CACNA1E: variants seen among roughly 807,000 people sequenced by gnomAD.
CACNA1E encodes the protein voltage-dependent R-type calcium channel subunit alpha-1E.
Under a neutral mutation model 259.2 loss-of-function variants are expected in CACNA1E, and 40 were observed. That is an observed-to-expected ratio of 0.15 (90% CI 0.12 to 0.20). CACNA1E has a LOEUF of 0.20. CACNA1E is among the 10% of genes least tolerant of loss of function. CACNA1E has a pLI of 1.00. For missense variants in CACNA1E, 1,874 were observed against 3,040.1 expected (o/e 0.62, Z 9.02); for synonymous variants, 1,104 against 1,138.5 (o/e 0.97, Z 0.61).
chr1:181,792,865 T>C (rs1046817264), intron 44 of CACNA1E, among the ~76,000 whole-genome samples: 1 of 152,234 alleles, frequency 6.6e-6, no homozygotes, highest in African/African-American at 2.4e-5. Context: ...GACAGAACCT[T>C]AGAGATTTCC....
chr1:181,511,286 C>T lies in CACNA1E; in HGVS notation c.373-85C>T, dbSNP rs6656283. The T allele has an allele frequency of 7.9e-3, 11,959 of 1,510,836 alleles. 746 individuals are homozygous for T. The African/African-American group carries it at 0.14, about 18-fold the overall frequency. 93.6% of individuals were successfully genotyped at this position (1,510,836 alleles called of 1,614,324 possible). A position where few individuals can be genotyped will look rare whatever the true frequency, so the allele number is the denominator to read the frequency against. ...CATGGGCAGGCCCAGCACAGACATC[C>T]AGGAAGGGCCAGGCTGTGCTTTTGC... On this transcript the variant is annotated intron_variant, in intron 2 of 47. Transcript: ENST00000367573.
intron 7 of CACNA1E, among the ~76,000 whole-genome samples, chr1:181,699,687 A>G (rs1572637138): frequency 6.6e-6 from 1 of 152,196 alleles, no homozygotes; most frequent in Non-Finnish European, 1.5e-5. Context: ...AACTGAAGGC[A>G]AGAAGCATCC....
intron 3 of CACNA1E, among the ~76,000 whole-genome samples, chr1:181,551,975 A>T (rs1177905807): frequency 6.6e-6 from 1 of 152,166 alleles, no homozygotes; most frequent in Non-Finnish European, 1.5e-5. Context: ...TATGCCAAGA[A>T]GGAAAGCAGT....
intron 2 of CACNA1E, among the ~76,000 whole-genome samples, chr1:181,455,625 C>T (rs1661415981): frequency 6.6e-6 from 1 of 152,184 alleles, no homozygotes; most frequent in Admixed American, 6.5e-5. Flanking sequence ...CCCAGTTCAC[C>T]TTGTATTCCA....
intron 25 of CACNA1E, chr1:181,745,321 C>A (rs773281570): frequency 4.1e-6 from 2 of 482,956 alleles, no homozygotes; most frequent in Non-Finnish European, 8.1e-6. Flanking sequence ...TGGGTGTGAA[C>A]ACCCAAGTAT....
rs368636412 is a variant in CACNA1E, at chr1:181,776,200, G to A, written c.5239G>A (p.Val1747Ile). ...GPHHLDEFVR[V>I]WAEYDRAACG... ...TCACCACTTGGACGAGTTTGTCCGC[G>A]TCTGGGCAGAATATGACCGAGCAGC... Residue 1747 changes from valine to isoleucine, a missense_variant, in exon 38 of 48, where the codon GTC becomes ATC. Around this residue, in one of 14 missense-constraint regions of CACNA1E, gnomAD observed 147 missense variants for 337.1 expected, o/e 0.44. Coordinates refer to ENST00000367573, the MANE Select transcript of CACNA1E (RefSeq NM_001205293.3). The surrounding 1 kb of genome is among the most constrained non-coding windows in gnomAD (Gnocchi z 4.4). 1.0e-4 allele frequency: 162 copies of A among 1,614,028 alleles called. 1 individual carries two copies. In the East Asian group the frequency reaches 1.1e-3, roughly 11 times the overall value.
intron 42 of CACNA1E, 91 bp from the exon 43 acceptor site, chr1:181,785,622 T>C: frequency 1.1e-6 from 1 of 940,584 alleles, no homozygotes; most frequent in East Asian, 2.4e-5. Flanking sequence ...ATAAGTTATG[T>C]GCCTGTATTA....
intron 3 of CACNA1E, among the ~76,000 whole-genome samples, chr1:181,513,902 C>T (rs1666351845): frequency 6.6e-6 from 1 of 152,148 alleles, no homozygotes; most frequent in African/African-American, 2.4e-5. Context: ...TTCAGATGTC[C>T]CTGGCTTTGT....
At chr1:181,630,467 T>A (rs1003010500) in intron 6 of CACNA1E, among the ~76,000 whole-genome samples, 1 of 151,734 alleles carries the variant, frequency 6.6e-6, no homozygotes, top group African/African-American at 2.4e-5. Flanking sequence ...TGTCAATTAC[T>A]TCACACTGAC....
chr1:181,545,146 G>A (rs1453326859), intron 3 of CACNA1E, among the ~76,000 whole-genome samples: 1 of 152,108 alleles, frequency 6.6e-6, no homozygotes, highest in Non-Finnish European at 1.5e-5. Flanking sequence ...AAATAAGCAT[G>A]GGGCTGATCT....
intron 32 of CACNA1E, among the ~76,000 whole-genome samples, chr1:181,759,977 C>T (rs993740508): frequency 6.6e-6 from 1 of 152,088 alleles, no homozygotes; most frequent in African/African-American, 2.4e-5. Context: ...GCCTGGCTCC[C>T]TTTTGAGTGT....
intron 2 of CACNA1E, among the ~76,000 whole-genome samples, chr1:181,442,991 CA>C (rs1338778320): frequency 2.6e-5 from 4 of 152,088 alleles, no homozygotes; most frequent in Non-Finnish European, 1.5e-5. Context: ...AATTCTAAAC[CA>C]AGGAGAAGAA....
At chr1:181,439,602 C>T (rs993720237) in intron 2 of CACNA1E, among the ~76,000 whole-genome samples, 1 of 152,160 alleles carries the variant, frequency 6.6e-6, no homozygotes, top group African/African-American at 2.4e-5. Context: ...ACTTATTTGT[C>T]ACCTTTAATT....
intron 2 of CACNA1E, among the ~76,000 whole-genome samples, chr1:181,458,245 G>T (rs1001133135): frequency 6.6e-6 from 1 of 152,200 alleles, no homozygotes; most frequent in Non-Finnish European, 1.5e-5. Flanking sequence ...GGAGGCAGAA[G>T]AAGATATGGG....
chr1:181,665,625 A>G (rs1243114260), intron 7 of CACNA1E, among the ~76,000 whole-genome samples: 2 of 152,212 alleles, frequency 1.3e-5, no homozygotes, highest in African/African-American at 4.8e-5. Flanking sequence ...CTCACCACAA[A>G]GAAATGATAC....
chr1:181,794,133 A>G (rs950304781), intron 45 of CACNA1E, among the ~76,000 whole-genome samples: 4 of 152,150 alleles, frequency 2.6e-5, no homozygotes, highest in Non-Finnish European at 1.5e-5. Flanking sequence ...GCACATATGC[A>G]GTTACTTACA....
chr1:181,474,476 G>A (rs1009405907), intron 2 of CACNA1E, among the ~76,000 whole-genome samples: 4 of 152,190 alleles, frequency 2.6e-5, no homozygotes, highest in Admixed American at 6.5e-5. Context: ...AAGCCTGTCT[G>A]AAAACTTCCC....
chr1:181,709,704 T>C (rs937210872), intron 7 of CACNA1E, among the ~76,000 whole-genome samples: 2 of 152,188 alleles, frequency 1.3e-5, no homozygotes, highest in African/African-American at 4.8e-5. Context: ...CACAGCTCAC[T>C]GTAACCTCGA....
At chr1:181,482,205 G>T (rs1558038177), upstream of CACNA1E, among the ~76,000 whole-genome samples, 1 of 152,246 alleles carries the variant, frequency 6.6e-6, no homozygotes, top group Non-Finnish European at 1.5e-5. Context: ...AGGTGCGGAG[G>T]AGCGGCGACG....
Sources: gnomAD v4.1 joint callset for allele counts (sites outside exome capture counted in the v4.1 genomes callset) on GRCh38, gnomAD v4.1.1 for gene constraint, gnomAD v4.1.1 regional missense constraint, Gnocchi (gnomAD v3.1) non-coding constraint, MANE v1.5 for transcripts, NCBI Gene and HGNC (gene_info 2026-07-23, HGNC 2026-07-21) for gene names.